The following NCOR1 variants were observed in gnomAD, a reference collection of about 807,000 sequenced individuals.
The protein encoded by NCOR1 is nuclear receptor corepressor 1, also known as protein phosphatase 1, regulatory subunit 109.
In NCOR1, 63 loss-of-function variants were observed where a neutral mutation model predicts 288.1. The ratio of observed to expected loss-of-function variants is 0.22; its 90% confidence interval spans 0.18 to 0.27. NCOR1 has a LOEUF of 0.27. Ranked by LOEUF, NCOR1 falls within the 10% of genes least tolerant of loss-of-function variation. The probability of loss-of-function intolerance (pLI) is 1.00; values close to 1 mark genes in which losing one functional copy is unlikely to be tolerated. For synonymous variants in NCOR1, 1,007 were observed against 1,065.9 expected, an observed-to-expected ratio of 0.94 and a Z score of 1.08; for missense variants, 2,397 against 3,019.2, an observed-to-expected ratio of 0.79 and a Z score of 4.83.
At chr17:16,132,275 C>A (rs2075763994) in intron 14 of NCOR1, among the ~76,000 whole-genome samples, 1 of 152,156 alleles carries the variant, frequency 6.6e-6, no homozygotes, top group African/African-American at 2.4e-5. Context: ...TGCTTTACTG[C>A]AGGTAACTAG....
chr17:16,118,089 A>G (rs2072087416), intron 17 of NCOR1, 62 bp from the exon 18 acceptor site: 1 of 1,524,444 alleles, frequency 6.6e-7, no homozygotes, highest in Non-Finnish European at 8.9e-7. Context: ...AAACAAGAGA[A>G]ATAATAAATT....
At position 16,139,153 on chromosome 17, in the gene NCOR1, T is replaced by C. The variant is rs1484392788; in HGVS notation, c.1207A>G (p.Ile403Val). 1 of 1,613,030 alleles carries C rather than the reference T, an allele frequency of 6.2e-7. No homozygotes were observed. Among genetic ancestry groups the C allele is most frequent in the African/African-American group, 1.3e-5 (1 of 74,970 alleles). Reference protein sequence around the residue: ...NEKQMRQLSVIPPMMFDAEQR... With the variant: ...NEKQMRQLSVVPPMMFDAEQR... The stretch of plus-strand genomic sequence containing the variant: ...TCTGCATCAAACATCATAGGTGGAA[T>C]CACAGAGAGCTGCCGCATTTGTTTC... Residue 403 changes from isoleucine to valine, a missense_variant, in exon 12 of 46, where the codon ATT (isoleucine) becomes GTT (valine). By Grantham distance (29) the Ile-to-Val change is conservative. Transcript: ENST00000268712.
At chr17:16,047,418 T>C (rs1284947107) in intron 41 of NCOR1, among the ~76,000 whole-genome samples, 1 of 152,154 alleles carries the variant, frequency 6.6e-6, no homozygotes, top group South Asian at 2.1e-4. Flanking sequence ...GCTCTCTCCT[T>C]AACAGCACAA....
At chr17:16,097,726 T>C (rs949412468) in intron 21 of NCOR1, among the ~76,000 whole-genome samples, 10 of 152,208 alleles carry the variant, frequency 6.6e-5, no homozygotes, top group Non-Finnish European at 1.5e-4. Context: ...TCCTAAGTTC[T>C]CTGAGGCATT....
chr17:16,166,750 CCTTT>C (rs750861168), intron 4 of NCOR1, among the ~76,000 whole-genome samples: 21 of 151,908 alleles, frequency 1.4e-4, no homozygotes, highest in East Asian at 9.7e-4. Flanking sequence ...CCCCCTCCCT[CCTTT>C]ATCAACATTA....
At position 16,186,819 on chromosome 17, in the gene NCOR1, T is replaced by C. The variant is rs114867849; in HGVS notation, c.109-132A>G. 3.4e-3 allele frequency: 2,527 copies of C among 745,818 alleles called. 51 individuals carry two copies. In the African/African-American group the frequency reaches 0.037, roughly 11 times the overall value. 46.2% of individuals were successfully genotyped at this position (745,818 alleles called of 1,614,324 possible). On this transcript the variant is annotated intron_variant, in intron 2 of 45. Transcript: ENST00000268712. ...GAGCAATGACTATTTCAATCCTTCA[T>C]TGATCTAATTCTTCCCCTTAAAATA...
At chr17:16,127,541 GTATA>G (rs981617034) in intron 14 of NCOR1, among the ~76,000 whole-genome samples, 3 of 134,810 alleles carry the variant, frequency 2.2e-5, no homozygotes, top group Admixed American at 7.2e-5. Context: ...ATATCTGCAT[GTATA>G]TATACACATG....
chr17:16,207,256 T>G (rs1455038528), intron 1 of NCOR1, among the ~76,000 whole-genome samples: 1 of 152,198 alleles, frequency 6.6e-6, no homozygotes, highest in Non-Finnish European at 1.5e-5. Context: ...ATTTTCAAAA[T>G]TACATAAATC....
intron 3 of NCOR1, among the ~76,000 whole-genome samples, chr17:16,180,363 T>C (rs1044326127): frequency 6.6e-6 from 1 of 152,106 alleles, no homozygotes; most frequent in Non-Finnish European, 1.5e-5. Context: ...GAAAACAGTA[T>C]GGAAGGCCCC....
intron 5 of NCOR1, among the ~76,000 whole-genome samples, chr17:16,163,559 G>T (rs2081332943): frequency 6.6e-6 from 1 of 152,130 alleles, no homozygotes; most frequent in Non-Finnish European, 1.5e-5. Flanking sequence ...TCCATATACT[G>T]CTGGTAAGAA....
At chr17:16,186,369 A>G (rs138128249) in intron 3 of NCOR1, among the ~76,000 whole-genome samples, 185 bp downstream of exon 3, 1 of 152,336 alleles carries the variant, frequency 6.6e-6, no homozygotes, top group East Asian at 1.9e-4. Context: ...TTAATGCCAA[A>G]CTATGGAAAC....
chr17:16,056,092 C>G (rs1196432230), intron 40 of NCOR1, among the ~76,000 whole-genome samples: 1 of 118,406 alleles, frequency 8.4e-6, no homozygotes, highest in Non-Finnish European at 2.1e-5. Flanking sequence ...TAAAGAAGAC[C>G]ATTTAGCTTC....
At chr17:16,137,796 T>C (rs900889732) in intron 13 of NCOR1, 2 of 232,906 alleles carry the variant, frequency 8.6e-6, no homozygotes, top group African/African-American at 2.3e-5. Context: ...ACAAATTTGC[T>C]TGTCATCCTT....
intron 26 of NCOR1, among the ~76,000 whole-genome samples, chr17:16,078,895 T>A (rs2062948321): frequency 1.3e-5 from 2 of 152,072 alleles, no homozygotes; most frequent in South Asian, 4.1e-4. Context: ...ATTTTAAGAG[T>A]CAGTATGTAA....
chr17:16,202,606 C>A (rs1355281649), intron 1 of NCOR1, among the ~76,000 whole-genome samples: 23 of 152,134 alleles, frequency 1.5e-4, no homozygotes, highest in Non-Finnish European at 3.4e-4. Context: ...TAGATATATA[C>A]TAGCCAGTGT....
At chr17:16,167,365 T>A (rs1394946431) in intron 4 of NCOR1, among the ~76,000 whole-genome samples, 3 of 151,640 alleles carry the variant, frequency 2.0e-5, no homozygotes, top group Admixed American at 6.6e-5. Flanking sequence ...AGAATTAGAT[T>A]CTTACCTCAT....
chr17:16,035,093 A>G (rs189814022), intron 44 of NCOR1, 149 bp from the exon 45 acceptor site: 1 of 744,408 alleles, frequency 1.3e-6, no homozygotes. Flanking sequence ...AAAATACTAC[A>G]GGCATACCTC....
At chr17:16,212,333 G>C (rs938631985) in intron 1 of NCOR1, among the ~76,000 whole-genome samples, 4 of 152,066 alleles carry the variant, frequency 2.6e-5, no homozygotes, top group African/African-American at 9.7e-5. Context: ...TAACTGATCT[G>C]CTCGACTATA....
chr17:16,125,701 C>CAAAAA (rs71353771), intron 15 of NCOR1, among the ~76,000 whole-genome samples: 26 of 82,262 alleles, frequency 3.2e-4, no homozygotes, highest in Middle Eastern at 6.6e-3. Context: ...GACGCCATCA[C>CAAAAA]AAAAAAAAAA....
Sources: gnomAD v4.1 joint callset for allele counts (sites outside exome capture counted in the v4.1 genomes callset) on GRCh38, gnomAD v4.1.1 for gene constraint, MANE v1.5 for transcripts, NCBI Gene and HGNC (gene_info 2026-07-23, HGNC 2026-07-21) for gene names.